IP6K1: variants seen among roughly 807,000 people sequenced by gnomAD.
The protein encoded by IP6K1 is inositol hexakisphosphate kinase 1.
A neutral mutation model predicts 38.3 loss-of-function variants in IP6K1; 13 were observed. The ratio of observed to expected loss-of-function variants is 0.34; its 90% confidence interval spans 0.22 to 0.54. The LOEUF is 0.54. Among genes scored for constraint, IP6K1 ranks in the 20% least tolerant of loss-of-function variants. The pLI is 0.92. For synonymous variants in IP6K1, 212 were observed against 229.9 expected (o/e 0.92, Z 0.70); for missense variants, 397 against 599.8 (o/e 0.66, Z 3.53).
intron 1 of IP6K1, among the ~76,000 whole-genome samples, chr3:49,775,785 G>A (rs1390179998): frequency 6.6e-6 from 1 of 152,062 alleles, no homozygotes; most frequent in Non-Finnish European, 1.5e-5. Flanking sequence ...ATGTGGTAGG[G>A]ATGGAAAAGG....
chr3:49,769,168 A>G (rs2080935948), intron 1 of IP6K1, among the ~76,000 whole-genome samples: 1 of 152,210 alleles, frequency 6.6e-6, no homozygotes, highest in Admixed American at 6.5e-5. Context: ...AGAAGGCTCA[A>G]TATAGTTAAG....
rs866212256 is a variant in IP6K1 at position 49,746,425 on chromosome 3, A to C, written c.223+1393T>G. The stretch of plus-strand genomic sequence containing the variant: ...GGTGGCTCACGCTTGTAATCCTAGC[A>C]CTTTGGGAGGCCGAGGCAGGCGGAT... On this transcript the variant is annotated intron_variant, in intron 2 of 5. Coordinates refer to ENST00000321599, the MANE Select transcript of IP6K1 (RefSeq NM_153273.4). Among the ~76,000 whole-genome samples the C allele has an allele frequency of 4.0e-3, 589 of 147,342 alleles. 9 individuals carry two copies. The highest frequency in any genetic ancestry group is 0.015 in the African/African-American group (564 of 38,886).
chr3:49,777,230 T>A (rs1036163000), intron 1 of IP6K1, among the ~76,000 whole-genome samples: 8 of 152,006 alleles, frequency 5.3e-5, no homozygotes, highest in African/African-American at 1.9e-4. Flanking sequence ...AGCAAGACTC[T>A]GTCTCCAAAA....
intron 3 of IP6K1, among the ~76,000 whole-genome samples, chr3:49,734,394 C>CTTTTTTTTT (rs71735078): frequency 3.4e-5 from 3 of 87,286 alleles, no homozygotes; most frequent in Non-Finnish European, 4.4e-5. Context: ...ACCGTAATTT[C>CTTTTTTTTT]TTTTTTTTTT....
chr3:49,770,452 T>C (rs1453648550), intron 1 of IP6K1, among the ~76,000 whole-genome samples: 11 of 152,024 alleles, frequency 7.2e-5, no homozygotes, highest in Admixed American at 7.2e-4. Context: ...AAAATAAAGT[T>C]AGGCTGGGCA....
At chr3:49,738,456 C>T (rs748598126) in intron 2 of IP6K1, 34 bp from the exon 3 acceptor site, 1 of 1,533,856 alleles carries the variant, frequency 6.5e-7, no homozygotes, top group South Asian at 1.1e-5. Flanking sequence ...AAACAAATGT[C>T]AACACAGGCC....
intron 1 of IP6K1, among the ~76,000 whole-genome samples, chr3:49,762,400 G>A (rs1444611639): frequency 6.6e-6 from 1 of 152,174 alleles, no homozygotes; most frequent in Non-Finnish European, 1.5e-5. Context: ...AAATTAGCTG[G>A]CAAGGTGGCG....
rs146317087 is a variant in IP6K1, at chr3:49,768,790, T to C, written c.-129+17564A>G. Among the ~76,000 whole-genome samples, 17 of 151,624 alleles carry C rather than the reference T, an allele frequency of 1.1e-4. No individual in the cohort carries two copies. The East Asian group carries it at 3.3e-3, about 29-fold the overall frequency. ...GTCTCAAAAATAAAATAAAATAAAA[T>C]AGGCGAATTCATTGAGACAAAAAGA... is the stretch of plus-strand genomic sequence containing the variant. On this transcript the variant is annotated intron_variant, in intron 1 of 5. Transcript: ENST00000321599.
chr3:49,774,407 C>CA (rs777187857), intron 1 of IP6K1, among the ~76,000 whole-genome samples: 2,933 of 43,576 alleles, frequency 0.067, 257 homozygotes, highest in East Asian at 0.35. Context: ...GACTCCATCT[C>CA]AAAAAAAAAA....
chr3:49,746,569 C>T (rs1245687332), intron 2 of IP6K1, among the ~76,000 whole-genome samples: 2 of 147,478 alleles, frequency 1.4e-5, no homozygotes, highest in South Asian at 4.4e-4. Flanking sequence ...ACTTGGGAGG[C>T]TGAGGCAGGA....
chr3:49,773,339 G>A (rs765842292), intron 1 of IP6K1, among the ~76,000 whole-genome samples: 5 of 152,120 alleles, frequency 3.3e-5, no homozygotes, highest in Admixed American at 6.6e-5. Context: ...GGCCGGGCGC[G>A]GTGGCTCACG....
chr3:49,734,566 C>G (rs74404672), intron 3 of IP6K1, among the ~76,000 whole-genome samples: 2 of 88,604 alleles, frequency 2.3e-5, no homozygotes, highest in South Asian at 4.2e-4. Context: ...TAACCCTCTC[C>G]AAGGGTCAGC....
In IP6K1 at chr3:49,773,276, G is replaced by T. The variant is rs539369998; in HGVS notation, c.-129+13078C>A. On this transcript the variant is annotated intron_variant, in intron 1 of 5. Coordinates refer to ENST00000321599, the MANE Select transcript of IP6K1 (RefSeq NM_153273.4). ...CTTAATATGGGCTCCCTGGCACCAA[G>T]GTCAGCACTTACTTTAGAGACACCT... Among the ~76,000 whole-genome samples, 113 of 152,270 alleles carry T rather than the reference G, an allele frequency of 7.4e-4. 1 individual carries two copies. The highest frequency in any genetic ancestry group is 2.6e-3 in the African/African-American group (109 of 41,558).
At position 49,727,692 on chromosome 3, in the gene IP6K1, G is replaced by C. The variant is rs777427355; in HGVS notation, c.793-37C>G. ...GGAGGCAGACAGGGTGAGTGCCAGG[G>C]AAGTCTGAAGAGCTCACAGTGCCCT... On this transcript the variant is annotated intron_variant, in intron 5 of 5. Transcript: ENST00000321599. The surrounding 1 kb of genome is among the most constrained non-coding windows in gnomAD (Gnocchi z 5.9). 8 of 1,590,728 alleles carry C rather than the reference G, an allele frequency of 5.0e-6. No homozygotes were observed. The highest frequency in any genetic ancestry group is 2.3e-5 in the South Asian group (2 of 87,732).
intron 1 of IP6K1, among the ~76,000 whole-genome samples, chr3:49,779,616 A>G (rs937969595): frequency 6.6e-6 from 1 of 152,158 alleles, no homozygotes; most frequent in African/African-American, 2.4e-5. Context: ...TCAACATACG[A>G]CATCATCTGA....
chr3:49,774,047 CA>C (rs1222749622), intron 1 of IP6K1, among the ~76,000 whole-genome samples: 2 of 151,610 alleles, frequency 1.3e-5, no homozygotes, highest in African/African-American at 4.9e-5. Flanking sequence ...GAATACTCAC[CA>C]CCAAACCAAT....
At chr3:49,772,133 CCAAGGTGGGTTCAAGGTGGCAGTGAGCT>C (rs1251226913) in intron 1 of IP6K1, among the ~76,000 whole-genome samples, 1 of 150,846 alleles carries the variant, frequency 6.6e-6, no homozygotes, top group Non-Finnish European at 1.5e-5. Context: ...TCCCTTGAGC[CCAAGGTGGGTTCAAGGTGGCAGTGAGCT>C]ATAATTGCAC....
Position 49,727,316 on chromosome 3 carries a change from GGCTGGT to G in IP6K1, c.1126_1131del (p.Thr376_Ser377del), listed in dbSNP as rs1275233561. On this transcript the variant is annotated inframe_deletion, in exon 6 of 6. Coordinates refer to ENST00000321599, the MANE Select transcript of IP6K1 (RefSeq NM_153273.4). This position sits in a 1 kb window ranked among gnomAD's most constrained non-coding sequence, Gnocchi z 5.9. ...CCCGCCTCGGGGCTGGTGTTGCTGG[GGCTGGT>G]GCTGGGGCCACAGGATGACGCCACC... is the stretch of plus-strand genomic sequence containing the variant. 1 of 1,614,002 alleles carries G rather than the reference GGCTGGT, an allele frequency of 6.2e-7. No homozygotes were observed. The highest frequency in any genetic ancestry group is 1.3e-5 in the African/African-American group (1 of 74,918).
In IP6K1 at chr3:49,747,887, T is replaced by G; in HGVS notation, c.154A>C (p.Ile52Leu). 6.2e-7 allele frequency: 1 copy of G among 1,614,140 alleles called. No individual in the cohort carries two copies. The highest frequency in any genetic ancestry group is 8.5e-7 in the Non-Finnish European group (1 of 1,180,028). The change falls in exon 2 of 6, where the codon ATC (isoleucine) becomes CTC (leucine). Residue 52 changes from isoleucine to leucine, a missense_variant. Coordinates refer to ENST00000321599, the MANE Select transcript of IP6K1 (RefSeq NM_153273.4). Reference sequence around the variant, plus strand: ...TCGTAAAAGCGCTGTTCCCGGGAGATGAGGGGCTTGCACACAGTGTGATCG... The same window carrying G: ...TCGTAAAAGCGCTGTTCCCGGGAGAGGAGGGGCTTGCACACAGTGTGATCG... ...YDDHTVCKPL[I>L]SREQRFYESL...
Sources: gnomAD v4.1 joint callset for allele counts (sites outside exome capture counted in the v4.1 genomes callset) on GRCh38, gnomAD v4.1.1 for gene constraint, Gnocchi (gnomAD v3.1) non-coding constraint, MANE v1.5 for transcripts, NCBI Gene and HGNC (gene_info 2026-07-23, HGNC 2026-07-21) for gene names.